Variants in PLCXD3 observed in about 807,000 individuals in gnomAD.
PLCXD3 encodes the protein phosphatidylinositol specific phospholipase C X domain containing 3, also known as PI-PLC X domain-containing protein 3.
A neutral mutation model predicts 25.5 loss-of-function variants in PLCXD3; 19 were observed. The ratio of observed to expected loss-of-function variants is 0.75; its 90% CI spans 0.52 to 1.09. The LOEUF (loss-of-function observed/expected upper bound fraction) is 1.09, where lower values mean the gene tolerates loss of function less well. PLCXD3 is among the 50% of genes least tolerant of loss of function. PLCXD3 has a pLI of 0.00. For synonymous variants in PLCXD3, 174 were observed against 137.6 expected (o/e 1.26, Z -1.85); for missense variants, 411 against 388.1 (o/e 1.06, Z -0.50).
At chr5:41,499,498 C>T (rs185005251) in intron 1 of PLCXD3, among the ~76,000 whole-genome samples, 35 of 151,744 alleles carry the variant, frequency 2.3e-4, no homozygotes, top group African/African-American at 4.6e-4. Flanking sequence ...TTAAAGAACA[C>T]GCAAACAAAT....
At chr5:41,506,997 C>A (rs1369849862) in intron 1 of PLCXD3, among the ~76,000 whole-genome samples, 5 of 152,114 alleles carry the variant, frequency 3.3e-5, no homozygotes, top group African/African-American at 7.2e-5. Context: ...AAAGCAGACC[C>A]CTCCCATGGG....
At chr5:41,416,450 G>T (rs979042034) in intron 1 of PLCXD3, among the ~76,000 whole-genome samples, 1 of 152,244 alleles carries the variant, frequency 6.6e-6, no homozygotes, top group Non-Finnish European at 1.5e-5. Context: ...GGCCCAGTGA[G>T]GGTGGGTCTC....
At chr5:41,446,283 AG>A in intron 1 of PLCXD3, among the ~76,000 whole-genome samples, 1 of 150,944 alleles carries the variant, frequency 6.6e-6, no homozygotes, top group Non-Finnish European at 1.5e-5. Flanking sequence ...CCTTCCTACC[AG>A]GGAATTTTCA....
chr5:41,314,798 A>G (rs1327128495), intron 2 of PLCXD3, among the ~76,000 whole-genome samples: 1 of 152,174 alleles, frequency 6.6e-6, no homozygotes, highest in Admixed American at 6.5e-5. Context: ...GTTCACTCTG[A>G]GTAAAATAGG....
chr5:41,430,129 G>A (rs768237687), intron 1 of PLCXD3, among the ~76,000 whole-genome samples: 1 of 152,104 alleles, frequency 6.6e-6, no homozygotes, highest in Admixed American at 6.6e-5. Context: ...CTTTAGTTGC[G>A]TCAACTCCAT....
chr5:41,312,251 C>G lies in PLCXD3; in HGVS notation c.*1366G>C, dbSNP rs1254427733. The G allele has an allele frequency of 6.6e-6, 1 of 152,488 alleles. No homozygotes were observed. The highest frequency in any genetic ancestry group is 1.5e-5 in the Non-Finnish European group (1 of 68,000). The allele number at this position is 152,488 out of a possible 1,614,324, so 9.4% of individuals were successfully genotyped here. A position where few individuals can be genotyped will look rare whatever the true frequency, so the allele number is the denominator to read the frequency against. Reference sequence around the variant, plus strand: ...ACTTTTGCCTCTGCCTTAATCTCATCCCTCGGATAGGATGAAACTCAGAAG... The same window carrying G: ...ACTTTTGCCTCTGCCTTAATCTCATGCCTCGGATAGGATGAAACTCAGAAG... On this transcript the variant is annotated 3_prime_UTR_variant, in exon 3 of 3. Transcript: ENST00000377801.
At chr5:41,347,227 T>G (rs1410150104) in intron 2 of PLCXD3, among the ~76,000 whole-genome samples, 1 of 152,212 alleles carries the variant, frequency 6.6e-6, no homozygotes, top group Non-Finnish European at 1.5e-5. Context: ...TTTAATAAAT[T>G]GATATTTTAG....
chr5:41,340,993 A>C (rs2150477703), intron 2 of PLCXD3, among the ~76,000 whole-genome samples: 1 of 152,300 alleles, frequency 6.6e-6, no homozygotes, highest in Admixed American at 6.5e-5. Flanking sequence ...ATCCCACCAA[A>C]GTAAGGTATT....
At chr5:41,478,251 T>A (rs866804028) in intron 1 of PLCXD3, among the ~76,000 whole-genome samples, 1 of 152,228 alleles carries the variant, frequency 6.6e-6, no homozygotes, top group South Asian at 2.1e-4. Context: ...CTCAGAGGAT[T>A]TGTTAGCTGA....
In PLCXD3 at chr5:41,399,988, T is replaced by C. The variant is rs115865055; in HGVS notation, c.104-17454A>G. Among the ~76,000 whole-genome samples the C allele has an allele frequency of 7.5e-3, 1,135 of 152,172 alleles. 11 individuals are homozygous for C. Among genetic ancestry groups the C allele is most frequent in the African/African-American group, 0.026 (1,068 of 41,548 alleles). ...AATATATAAGGAGCTCAAACAGCTG[T>C]ATAGGAATAAAGCTAATAATCCAAT... On this transcript the variant is annotated intron_variant, in intron 1 of 2. Coordinates refer to ENST00000377801, the MANE Select transcript of PLCXD3 (RefSeq NM_001005473.3).
At chr5:41,500,911 C>A (rs547341402) in intron 1 of PLCXD3, among the ~76,000 whole-genome samples, 2 of 151,970 alleles carry the variant, frequency 1.3e-5, no homozygotes, top group East Asian at 3.9e-4. Context: ...CAAGTATAGA[C>A]ATTTCTCTAA....
chr5:41,404,370 G>A (rs1044849031), intron 1 of PLCXD3, among the ~76,000 whole-genome samples: 6 of 151,660 alleles, frequency 4.0e-5, no homozygotes, highest in African/African-American at 1.5e-4. Flanking sequence ...ATTTTCTTAT[G>A]GTATAACTCG....
chr5:41,331,322 T>C (rs1183804218), intron 2 of PLCXD3, among the ~76,000 whole-genome samples: 1 of 152,142 alleles, frequency 6.6e-6, no homozygotes, highest in African/African-American at 2.4e-5. Context: ...AGCCAAATCA[T>C]GAGTGAACTC....
chr5:41,456,367 A>G (rs1747753029), intron 1 of PLCXD3, among the ~76,000 whole-genome samples: 1 of 151,904 alleles, frequency 6.6e-6, no homozygotes, highest in South Asian at 2.1e-4. Flanking sequence ...CTTCTTTAAA[A>G]CCTATTGTTA....
At chr5:41,396,588 C>A (rs1213118064) in intron 1 of PLCXD3, among the ~76,000 whole-genome samples, 2 of 152,132 alleles carry the variant, frequency 1.3e-5, no homozygotes, top group African/African-American at 4.8e-5. Flanking sequence ...GTGGAAGCCA[C>A]CTTAGAACTG....
At chr5:41,488,615 G>A (rs1748576357) in intron 1 of PLCXD3, among the ~76,000 whole-genome samples, 1 of 145,808 alleles carries the variant, frequency 6.9e-6, no homozygotes, top group Non-Finnish European at 1.5e-5. Context: ...TTTAATGATT[G>A]CCATTCTAAC....
At chr5:41,495,151 T>C (rs917700638) in intron 1 of PLCXD3, among the ~76,000 whole-genome samples, 1 of 152,238 alleles carries the variant, frequency 6.6e-6, no homozygotes, top group African/African-American at 2.4e-5. Flanking sequence ...AGCAGAGTCA[T>C]GCAATTGGGA....
At chr5:41,494,405 A>G (rs1561290280) in intron 1 of PLCXD3, among the ~76,000 whole-genome samples, 1 of 152,258 alleles carries the variant, frequency 6.6e-6, no homozygotes, top group Non-Finnish European at 1.5e-5. Flanking sequence ...GTGGCAGCAG[A>G]GAAAAGTGGA....
intron 1 of PLCXD3, among the ~76,000 whole-genome samples, chr5:41,494,723 G>A (rs1460023192): frequency 1.3e-5 from 2 of 152,156 alleles, no homozygotes; most frequent in African/African-American, 4.8e-5. Context: ...CTGGGCTAAT[G>A]ATTTAAACTT....
Sources: allele counts gnomAD v4.1 joint callset (sites outside exome capture counted in the v4.1 genomes callset), GRCh38; gene constraint gnomAD v4.1.1; transcripts MANE v1.5; gene names NCBI Gene and HGNC (gene_info 2026-07-23, HGNC 2026-07-21).